The following ALPL variants were observed in gnomAD, a reference collection of about 807,000 sequenced individuals.
The protein encoded by ALPL is alkaline phosphatase, tissue-nonspecific isozyme.
Under a neutral mutation model 51.3 loss-of-function variants are expected in ALPL, and 42 were observed. That is an observed-to-expected ratio of 0.82 (90% CI 0.64 to 1.06). The LOEUF is 1.06. ALPL is among the 50% of genes least tolerant of loss of function. ALPL has a pLI of 0.00. For synonymous variants in ALPL, 279 were observed against 296.4 expected, an observed-to-expected ratio of 0.94 and a Z score of 0.60; for missense variants, 589 against 709.4, an observed-to-expected ratio of 0.83 and a Z score of 1.93.
chr1:21,564,368 G>GGGCA lies in ALPL; in HGVS notation c.648+161_648+164dup. 1 of 1,018,644 alleles carries GGGCA rather than the reference G, an allele frequency of 9.8e-7. No individual in the cohort carries two copies. The highest frequency in any genetic ancestry group is 1.4e-6 in the Non-Finnish European group (1 of 706,986). 63.1% of individuals were successfully genotyped at this position (1,018,644 alleles called of 1,614,324 possible). ...CCAGCCCATTAGGGGATTTGCGGTT[G>GGGCA]GGCAGGCAGGCACTGTGGGATTTCT... On this transcript the variant is annotated intron_variant, in intron 6 of 11. Transcript: ENST00000374840. The surrounding 1 kb of genome is among the most constrained non-coding windows in gnomAD (Gnocchi z 5.8).
intron 7 of ALPL, 104 bp downstream of exon 7, chr1:21,568,351 G>A (rs1229261673): frequency 1.1e-5 from 17 of 1,514,556 alleles, no homozygotes; most frequent in Admixed American, 3.9e-5. Context: ...AAAGGGCATC[G>A]GAAATCTTTC....
intron 1 of ALPL, among the ~76,000 whole-genome samples, chr1:21,513,752 G>C (rs1447691838): frequency 1.3e-5 from 2 of 152,210 alleles, no homozygotes; most frequent in Non-Finnish European, 2.9e-5. Context: ...TTTTAAACCA[G>C]GCAATTTCAT....
chr1:21,536,646 C>G (rs57297255), intron 1 of ALPL, among the ~76,000 whole-genome samples: 3,078 of 152,210 alleles, frequency 0.02, 118 homozygotes, highest in African/African-American at 0.07. Context: ...AGCAAGCAGA[C>G]AGAGTCTTCC....
chr1:21,524,063 G>A (rs1200985919), intron 1 of ALPL, among the ~76,000 whole-genome samples: 1 of 145,058 alleles, frequency 6.9e-6, no homozygotes, highest in East Asian at 2.1e-4. Context: ...GAGTGCAGTG[G>A]CGTGATCTCG....
At chr1:21,518,003 A>G (rs80320018) in intron 1 of ALPL, among the ~76,000 whole-genome samples, 18,842 of 151,810 alleles carry the variant, frequency 0.12, 1,308 homozygotes, top group African/African-American at 0.16. Flanking sequence ...TAGGGAAGGG[A>G]TAGGCCCAGG....
chr1:21,515,163 C>A (rs1364532922), intron 1 of ALPL, among the ~76,000 whole-genome samples: 1 of 152,138 alleles, frequency 6.6e-6, no homozygotes, highest in Non-Finnish European at 1.5e-5. Flanking sequence ...GGGCAGAGCT[C>A]AGCAAATATT....
At chr1:21,523,268 C>T (rs1179480482) in intron 1 of ALPL, among the ~76,000 whole-genome samples, 1 of 152,194 alleles carries the variant, frequency 6.6e-6, no homozygotes, top group Non-Finnish European at 1.5e-5. Context: ...CACTGTACTC[C>T]AGACTGGGCG....
intron 2 of ALPL, among the ~76,000 whole-genome samples, chr1:21,559,483 G>T (rs917533441): frequency 1.3e-5 from 2 of 152,190 alleles, no homozygotes; most frequent in African/African-American, 4.8e-5. Context: ...GAGGCTGAGG[G>T]AGGTGACAGA....
chr1:21,560,592 A>C (rs1570268149), intron 2 of ALPL, 34 bp from the exon 3 acceptor site: 3 of 1,613,234 alleles, frequency 1.9e-6, no homozygotes, highest in Non-Finnish European at 2.5e-6. Context: ...GGCTATCCTT[A>C]CCCCGCCAAG....
At chr1:21,523,356 A>G (rs1202340483) in intron 1 of ALPL, among the ~76,000 whole-genome samples, 2 of 152,204 alleles carry the variant, frequency 1.3e-5, no homozygotes, top group African/African-American at 4.8e-5. Flanking sequence ...GTAAATGGCT[A>G]GTAAATGATA....
chr1:21,566,616 G>T (rs971012555), intron 6 of ALPL, among the ~76,000 whole-genome samples: 4 of 150,714 alleles, frequency 2.7e-5, no homozygotes, highest in African/African-American at 7.3e-5. Context: ...TTGAGACAGG[G>T]TCTCACTCTG....
rs138891341 is a variant in ALPL, at chr1:21,572,544, G to A, written c.863-1121G>A. Among the ~76,000 whole-genome samples, 105 of 152,326 alleles carry A rather than the reference G, an allele frequency of 6.9e-4. 1 individual carries two copies. Among genetic ancestry groups the A allele is most frequent in the African/African-American group, 2.3e-3 (94 of 41,570 alleles). On this transcript the variant is annotated intron_variant, in intron 8 of 11. Transcript: ENST00000374840. ...GTGTGGGAGGAGACCACACAAGCGC[G>A]TGAATTCCAGGGGGCAGGGGTTATT...
At position 21,568,187 on chromosome 1, in the gene ALPL, C is replaced by T. The variant is rs2148171730; in HGVS notation, c.732C>T (p.Gly244=). ...ATGAGAGTGACGAGAAAGCCAGGGGCACGAGGCTGGACGGCCTGGACCTCG... is the reference window on the plus strand; with the variant it reads ...ATGAGAGTGACGAGAAAGCCAGGGGTACGAGGCTGGACGGCCTGGACCTCG... ...VEYESDEKAR[G]TRLDGLDLVD... is the part of the protein sequence containing the mutation. The change falls in exon 7 of 12, where the codon GGC becomes GGT. Residue 244 remains glycine, a synonymous_variant. Coordinates refer to ENST00000374840, the MANE Select transcript of ALPL (RefSeq NM_000478.6). 1 of 1,614,020 alleles carries T rather than the reference C, an allele frequency of 6.2e-7. No homozygotes were observed. Among genetic ancestry groups the T allele is most frequent in the South Asian group, 1.1e-5 (1 of 91,070 alleles).
intron 1 of ALPL, among the ~76,000 whole-genome samples, chr1:21,519,548 G>A (rs1570168452): frequency 6.6e-6 from 1 of 152,248 alleles, no homozygotes; most frequent in East Asian, 1.9e-4. Flanking sequence ...TGTAATCCCA[G>A]CACTTTGGGA....
intron 1 of ALPL, among the ~76,000 whole-genome samples, chr1:21,550,865 T>C (rs1668685834): frequency 6.6e-6 from 1 of 152,176 alleles, no homozygotes; most frequent in Non-Finnish European, 1.5e-5. Flanking sequence ...CTGTGGATCA[T>C]CCATTCTCCT....
chr1:21,574,216 G>T lies in ALPL; in HGVS notation c.997+417G>T, dbSNP rs1025917417. The T allele has an allele frequency of 3.0e-6, 3 of 985,298 alleles. No homozygotes were observed. The African/African-American group carries it at 5.2e-5, about 17-fold the overall frequency. The allele number at this position is 985,298 out of a possible 1,614,324, so 61.0% of individuals were successfully genotyped here. ...GGCCAGGGGCCTTGCAGACAGACCT[G>T]AATTCTTGGCCTGGCGCTGCCATCT... On this transcript the variant is annotated intron_variant, in intron 9 of 11. Coordinates refer to ENST00000374840, the MANE Select transcript of ALPL (RefSeq NM_000478.6).
intron 1 of ALPL, among the ~76,000 whole-genome samples, chr1:21,524,907 CA>C (rs540429260): frequency 7.7e-4 from 117 of 152,300 alleles, no homozygotes; most frequent in African/African-American, 2.5e-3. Flanking sequence ...GGACCAGGGT[CA>C]GGGGGAGGCC....
chr1:21,560,809 G>A, intron 3 of ALPL, 64 bp downstream of exon 3: 1 of 1,604,114 alleles, frequency 6.2e-7, no homozygotes, highest in Admixed American at 1.7e-5. Flanking sequence ...CCGGGAGCCA[G>A]GCTGAGTTGA....
At chr1:21,519,536 C>CATGT (rs1643863352) in intron 1 of ALPL, among the ~76,000 whole-genome samples, 1 of 152,254 alleles carries the variant, frequency 6.6e-6, no homozygotes, top group Non-Finnish European at 1.5e-5. Flanking sequence ...AGGGCTCACG[C>CATGT]ATGTAATCCC....
Sources: allele counts gnomAD v4.1 joint callset (sites outside exome capture counted in the v4.1 genomes callset), GRCh38; gene constraint gnomAD v4.1.1; non-coding constraint Gnocchi (gnomAD v3.1); transcripts MANE v1.5; gene names NCBI Gene and HGNC (gene_info 2026-07-23, HGNC 2026-07-21).